The following ANKS1B variants were observed in gnomAD, a reference collection of about 807,000 sequenced individuals.
ANKS1B encodes ankyrin repeat and sterile alpha motif domain containing 1B.
Under a neutral mutation model 148.3 loss-of-function variants are expected in ANKS1B, and 36 were observed. That is an observed-to-expected ratio of 0.24 (90% confidence interval 0.19 to 0.32). The LOEUF is 0.32. Among genes scored for constraint, ANKS1B ranks in the 10% least tolerant of loss-of-function variants. The pLI, the probability that ANKS1B is intolerant of heterozygous loss-of-function variation, is 1.00. For missense variants in ANKS1B, 1,157 were observed against 1,542.6 expected (o/e 0.75, Z 4.19); for synonymous variants, 542 against 560.8 (o/e 0.97, Z 0.47).
chr12:99,816,781 TAATATGAACTAA>T (rs1228290788), intron 2 of ANKS1B, among the ~76,000 whole-genome samples: 5 of 151,700 alleles, frequency 3.3e-5, no homozygotes, highest in African/African-American at 1.2e-4. Context: ...ATATCCAAAG[TAATATGAACTAA>T]ATAGGCCATT....
At chr12:99,252,249 A>G (rs1038815348) in intron 12 of ANKS1B, among the ~76,000 whole-genome samples, 13 of 152,226 alleles carry the variant, frequency 8.5e-5, no homozygotes, top group African/African-American at 3.1e-4. Flanking sequence ...CAGTGTGGCT[A>G]TAATAGAGTG....
chr12:99,053,102 A>G, intron 17 of ANKS1B, 55 bp downstream of exon 17: 1 of 1,444,922 alleles, frequency 6.9e-7, no homozygotes, highest in Non-Finnish European at 9.2e-7. Flanking sequence ...AAAGAAAATT[A>G]AATTTCATTT....
chr12:99,068,526 G>C (rs979452805), intron 16 of ANKS1B, among the ~76,000 whole-genome samples: 1 of 152,194 alleles, frequency 6.6e-6, no homozygotes, highest in African/African-American at 2.4e-5. Flanking sequence ...TGTATACAAA[G>C]ATAAGTGCCA....
chr12:98,992,554 T>G (rs2099927245), intron 17 of ANKS1B, among the ~76,000 whole-genome samples: 2 of 152,194 alleles, frequency 1.3e-5, no homozygotes, highest in Non-Finnish European at 2.9e-5. Flanking sequence ...AGGTGCCTGC[T>G]TCCCCTTCGC....
At chr12:99,772,013 C>A (rs2063239012) in intron 8 of ANKS1B, among the ~76,000 whole-genome samples, 1 of 151,996 alleles carries the variant, frequency 6.6e-6, no homozygotes, top group Non-Finnish European at 1.5e-5. Flanking sequence ...ATATCTGTAA[C>A]AAATTAAGTT....
chr12:99,512,893 C>G (rs1010678705), intron 9 of ANKS1B, among the ~76,000 whole-genome samples: 1 of 151,750 alleles, frequency 6.6e-6, no homozygotes, highest in Admixed American at 6.6e-5. Context: ...CACACTGGGG[C>G]CTGTCAGGGA....
At chr12:99,753,879 C>A (rs141393471) in intron 8 of ANKS1B, among the ~76,000 whole-genome samples, 3 of 151,806 alleles carry the variant, frequency 2.0e-5, no homozygotes, top group Non-Finnish European at 4.4e-5. Flanking sequence ...AAAAATCAGC[C>A]GGGCATGGTG....
At position 99,944,023 on chromosome 12, in the gene ANKS1B, A is replaced by G. The variant is rs76483956; in HGVS notation, c.134+40081T>C. ...CTGTGCCCATATGTTCTCATTGTTC[A>G]ACTCCTGCTCCTTCTCCTATAAATC... On this transcript the variant is annotated intron_variant, in intron 1 of 26. Transcript: ENST00000683438. Among the ~76,000 whole-genome samples the G allele has an allele frequency of 1.6e-3, 244 of 151,358 alleles. 9 individuals are homozygous for G. In the East Asian group the frequency reaches 0.04, roughly 25 times the overall value.
At chr12:99,197,007 T>C (rs563526311) in intron 14 of ANKS1B, among the ~76,000 whole-genome samples, 9 of 152,078 alleles carry the variant, frequency 5.9e-5, no homozygotes, top group Non-Finnish European at 1.0e-4. Flanking sequence ...AAGGGAGATA[T>C]CCTCTCTCCC....
At chr12:99,181,680 GGT>G (rs2079131160) in intron 14 of ANKS1B, among the ~76,000 whole-genome samples, 1 of 151,698 alleles carries the variant, frequency 6.6e-6, no homozygotes, top group African/African-American at 2.4e-5. Context: ...GTACATAATG[GGT>G]GTATATACTT....
intron 14 of ANKS1B, among the ~76,000 whole-genome samples, chr12:99,183,515 C>T (rs973598169): frequency 3.3e-5 from 5 of 151,960 alleles, no homozygotes; most frequent in Admixed American, 6.6e-5. Flanking sequence ...TGGTGGTGGT[C>T]GCCTGTAATC....
chr12:99,043,141 T>A (rs953678923), intron 17 of ANKS1B, among the ~76,000 whole-genome samples: 11 of 152,162 alleles, frequency 7.2e-5, no homozygotes, highest in Admixed American at 1.3e-4. Context: ...AGTATTTTTT[T>A]AAAAAAGATC....
intron 22 of ANKS1B, among the ~76,000 whole-genome samples, chr12:98,797,473 T>C (rs1221977195): frequency 1.3e-5 from 2 of 152,218 alleles, no homozygotes; most frequent in Admixed American, 1.3e-4. Context: ...AGCTATCATA[T>C]TATTTTTATG....
chr12:99,603,401 G>T (rs2153302268), intron 9 of ANKS1B, among the ~76,000 whole-genome samples: 1 of 152,134 alleles, frequency 6.6e-6, no homozygotes, highest in Middle Eastern at 3.4e-3. Flanking sequence ...ACATTCTTTA[G>T]CCATCTATAA....
At position 99,380,794 on chromosome 12, in the gene ANKS1B, T is replaced by G. The variant is rs1198441462; in HGVS notation, c.1756+18837A>C. ...CTTCCTTCCTTCCTTCCTTCCTTCC[T>G]TCCTTCCTTTCTCATGCTCCACAAC... On this transcript the variant is annotated intron_variant, in intron 12 of 26. Coordinates refer to ENST00000683438, the MANE Select transcript of ANKS1B (RefSeq NM_001352186.2). Among the ~76,000 whole-genome samples the G allele has an allele frequency of 2.2e-5, 3 of 133,370 alleles. No individual in the cohort carries two copies. The South Asian group carries it at 7.1e-4, about 32-fold the overall frequency. The allele number at this position is 133,370 out of a possible 152,430, so 87.5% of individuals were successfully genotyped here.
At chr12:98,978,701 C>A (rs2099902616) in intron 17 of ANKS1B, among the ~76,000 whole-genome samples, 1 of 152,008 alleles carries the variant, frequency 6.6e-6, no homozygotes, top group Non-Finnish European at 1.5e-5. Flanking sequence ...GTGATCCTTA[C>A]AATAGTTATA....
At chr12:99,482,691 G>A (rs374013884) in intron 10 of ANKS1B, among the ~76,000 whole-genome samples, 2 of 151,982 alleles carry the variant, frequency 1.3e-5, no homozygotes, top group South Asian at 2.1e-4. Flanking sequence ...ACTTTCAGCA[G>A]TGTTTTGTAG....
chr12:99,108,583 TAAAG>T (rs1055369490), intron 15 of ANKS1B, among the ~76,000 whole-genome samples: 2 of 152,106 alleles, frequency 1.3e-5, no homozygotes, highest in Admixed American at 1.3e-4. Flanking sequence ...TATAAATAGA[TAAAG>T]AAGGTAGTGC....
intron 22 of ANKS1B, among the ~76,000 whole-genome samples, chr12:98,794,274 C>T (rs2098924621): frequency 6.6e-6 from 1 of 151,622 alleles, no homozygotes; most frequent in South Asian, 2.1e-4. Flanking sequence ...CGCCTGTAAC[C>T]CCAGCTACTG....
Sources: allele counts gnomAD v4.1 joint callset (sites outside exome capture counted in the v4.1 genomes callset), GRCh38; gene constraint gnomAD v4.1.1; transcripts MANE v1.5; gene names NCBI Gene and HGNC (gene_info 2026-07-23, HGNC 2026-07-21).